PDE7A: variants seen among roughly 807,000 people sequenced by gnomAD.
The protein encoded by PDE7A is high affinity 3',5'-cyclic-AMP phosphodiesterase 7A.
PDE7A carries 39 observed loss-of-function variants against 64.3 expected under a neutral mutation model. The ratio of observed to expected loss-of-function variants is 0.61; its 90% CI spans 0.47 to 0.79. The LOEUF is 0.79. Ranked by LOEUF, PDE7A falls within the 30% of genes least tolerant of loss-of-function variation. PDE7A has a pLI of 0.00. For missense variants in PDE7A, 470 were observed against 582.8 expected (o/e 0.81, Z 1.99); for synonymous variants, 203 against 206.8 (o/e 0.98, Z 0.16).
intron 6 of PDE7A, among the ~76,000 whole-genome samples, chr8:65,739,260 C>T (rs1370063486): frequency 6.6e-6 from 1 of 152,162 alleles, no homozygotes; most frequent in African/African-American, 2.4e-5. Context: ...CTCTACAAAA[C>T]CAACATGCAG....
chr8:65,765,890 C>A (rs530951841), intron 3 of PDE7A, among the ~76,000 whole-genome samples: 1 of 152,200 alleles, frequency 6.6e-6, no homozygotes, highest in Non-Finnish European at 1.5e-5. Flanking sequence ...TAATGTGTAA[C>A]TAAAGAATGA....
chr8:65,782,255 G>C (rs1809439787), intron 2 of PDE7A, among the ~76,000 whole-genome samples: 1 of 152,122 alleles, frequency 6.6e-6, no homozygotes, highest in Non-Finnish European at 1.5e-5. Flanking sequence ...CTGGCACAGA[G>C]AAAAAGAGAA....
chr8:65,788,083 T>A (rs1809608693), intron 1 of PDE7A, among the ~76,000 whole-genome samples: 1 of 152,166 alleles, frequency 6.6e-6, no homozygotes, highest in African/African-American at 2.4e-5. Context: ...GGTATTAAAA[T>A]CTTGCTTGAG....
At chr8:65,824,114 T>C (rs1269816374) in intron 1 of PDE7A, among the ~76,000 whole-genome samples, 1 of 152,220 alleles carries the variant, frequency 6.6e-6, no homozygotes, top group Admixed American at 6.5e-5. Flanking sequence ...ACCTAGCAAG[T>C]CTACTGGCAC....
chr8:65,771,479 T>C (rs1809079595), intron 3 of PDE7A, among the ~76,000 whole-genome samples: 1 of 152,200 alleles, frequency 6.6e-6, no homozygotes, highest in African/African-American at 2.4e-5. Flanking sequence ...CTTTAACCTG[T>C]TGATATCGAT....
intron 7 of PDE7A, among the ~76,000 whole-genome samples, chr8:65,729,812 G>A (rs1806772462): frequency 1.3e-5 from 2 of 151,360 alleles, no homozygotes; most frequent in Non-Finnish European, 1.5e-5. Flanking sequence ...CAGGTGATCC[G>A]CCTGCCTTGG....
Position 65,841,994 on chromosome 8 carries a change from G to GCCGCCGCCGCCGC in PDE7A, c.-487_-486insGCGGCGGCGGCGG, listed in dbSNP as rs1262254128. On this transcript the variant is annotated 5_prime_UTR_variant, in exon 1 of 13. Coordinates refer to ENST00000401827, the MANE Select transcript of PDE7A (RefSeq NM_001242318.3). Reference sequence around the variant, plus strand: ...CGCCGCCGCCGCCGCCGCCGCCGCCGGAGTCCTGCTCCTCCCCTCCCCCGG... The same window carrying GCCGCCGCCGCCGC: ...CGCCGCCGCCGCCGCCGCCGCCGCCGCCGCCGCCGCCGCGAGTCCTGCTCCTCCCCTCCCCCGG... 14 of 258,282 alleles carry GCCGCCGCCGCCGC rather than the reference G, an allele frequency of 5.4e-5. No homozygotes were observed. The highest frequency in any genetic ancestry group is 3.4e-4 in the African/African-American group (14 of 41,046). The allele number at this position is 258,282 out of a possible 1,614,324, so 16.0% of individuals were successfully genotyped here.
intron 6 of PDE7A, among the ~76,000 whole-genome samples, chr8:65,736,521 G>A (rs1807132881): frequency 6.6e-6 from 1 of 152,170 alleles, no homozygotes; most frequent in Admixed American, 6.5e-5. Context: ...GGGAGGCTGA[G>A]GCTGGAGGAT....
chr8:65,827,010 G>A (rs1232732485), intron 1 of PDE7A, among the ~76,000 whole-genome samples: 5 of 152,084 alleles, frequency 3.3e-5, no homozygotes, highest in African/African-American at 9.7e-5. Flanking sequence ...TCATTGAATC[G>A]AGGGTCTGTC....
chr8:65,782,748 T>G (rs1809450748), intron 2 of PDE7A, 35 bp downstream of exon 2: 1 of 1,197,086 alleles, frequency 8.4e-7, no homozygotes, highest in Middle Eastern at 1.9e-4. Context: ...AATAACAAAA[T>G]TAACTGATAT....
intron 3 of PDE7A, among the ~76,000 whole-genome samples, chr8:65,761,881 G>A (rs917097452): frequency 2.0e-5 from 3 of 152,182 alleles, no homozygotes; most frequent in Non-Finnish European, 4.4e-5. Context: ...CACAACTGGA[G>A]CAGTATTACT....
intron 1 of PDE7A, among the ~76,000 whole-genome samples, chr8:65,831,574 A>T (rs7821744): frequency 0.084 from 12,773 of 152,016 alleles, 1,612 homozygotes; most frequent in African/African-American, 0.27. Flanking sequence ...ACCTCCCAGG[A>T]TCTCTCATGG....
In PDE7A at chr8:65,834,161, C is replaced by T. The variant is rs546959618; in HGVS notation, c.138+7210G>A. ...TTTAAGAAAACTTGCAAAGCATCACCCCTGAGACAGACCAATCCCTCCTCT... is the reference window on the plus strand; with the variant it reads ...TTTAAGAAAACTTGCAAAGCATCACTCCTGAGACAGACCAATCCCTCCTCT... On this transcript the variant is annotated intron_variant, in intron 1 of 12. Transcript: ENST00000401827. Among the ~76,000 whole-genome samples the T allele has an allele frequency of 9.2e-5, 14 of 151,980 alleles. No homozygotes were observed. In the South Asian group the frequency reaches 2.9e-3, roughly 32 times the overall value.
chr8:65,832,550 T>G (rs528281982), intron 1 of PDE7A, among the ~76,000 whole-genome samples: 1 of 152,304 alleles, frequency 6.6e-6, no homozygotes, highest in East Asian at 1.9e-4. Context: ...AGTAGCACGA[T>G]CACAATTCAC....
At chr8:65,726,793 A>C in intron 9 of PDE7A, 82 bp downstream of exon 9, 2 of 748,000 alleles carry the variant, frequency 2.7e-6, no homozygotes, top group Non-Finnish European at 4.6e-6. Flanking sequence ...GAACATAACA[A>C]TTTTTAAAAC....
intron 1 of PDE7A, among the ~76,000 whole-genome samples, chr8:65,809,656 G>GA (rs942474807): frequency 2.8e-4 from 42 of 152,194 alleles, no homozygotes; most frequent in Admixed American, 1.6e-3. Context: ...AAATTTACAA[G>GA]AAAAAATCAA....
At chr8:65,747,466 T>A (rs1460181602) in intron 4 of PDE7A, among the ~76,000 whole-genome samples, 186 bp downstream of exon 4, 3 of 152,198 alleles carry the variant, frequency 2.0e-5, no homozygotes, top group African/African-American at 7.2e-5. Flanking sequence ...TTTCAGAAAT[T>A]TCCCTTGCTC....
chr8:65,738,448 CTT>C (rs1807249681), intron 6 of PDE7A, among the ~76,000 whole-genome samples: 1 of 152,196 alleles, frequency 6.6e-6, no homozygotes, highest in Non-Finnish European at 1.5e-5. Flanking sequence ...CGGACAAAGA[CTT>C]TACCAGGAAT....
intron 3 of PDE7A, among the ~76,000 whole-genome samples, chr8:65,754,951 G>A (rs1224457968): frequency 2.7e-5 from 4 of 150,434 alleles, no homozygotes; most frequent in Admixed American, 2.0e-4. Context: ...GCGACAGAGC[G>A]AGACTCCCTC....
Sources: gnomAD v4.1 joint callset for allele counts (sites outside exome capture counted in the v4.1 genomes callset) on GRCh38, gnomAD v4.1.1 for gene constraint, MANE v1.5 for transcripts, NCBI Gene and HGNC (gene_info 2026-07-23, HGNC 2026-07-21) for gene names.